DOCK1: variants seen among roughly 807,000 people sequenced by gnomAD.
DOCK1 encodes dedicator of cytokinesis 1, also known as dedicator of cytokinesis protein 1.
A neutral mutation model predicts 262.7 loss-of-function variants in DOCK1; 138 were observed. The ratio of observed to expected loss-of-function variants is 0.53; its 90% CI spans 0.46 to 0.61. DOCK1 has a LOEUF of 0.61. DOCK1 is among the 20% of genes least tolerant of loss of function. The probability of loss-of-function intolerance (pLI) is 0.00; values close to 1 mark genes in which losing one functional copy is unlikely to be tolerated. For synonymous variants in DOCK1, 866 were observed against 867.4 expected, an observed-to-expected ratio of 1.00 and a Z score of 0.03; for missense variants, 1,908 against 2,370.7, an observed-to-expected ratio of 0.80 and a Z score of 4.05.
In DOCK1 at chr10:127,094,124, G is replaced by A. The variant is rs2047755943; in HGVS notation, c.2446-12107G>A. On this transcript the variant is annotated intron_variant, in intron 23 of 51. Coordinates refer to ENST00000623213, the MANE Select transcript of DOCK1 (RefSeq NM_001290223.2). ...TGGGAGTATCACTTGTCCCCAGGAG[G>A]TAGAGGCTGCAGTGAGTTGTGATCA... Among the ~76,000 whole-genome samples, 4 of 152,150 alleles carry A rather than the reference G, an allele frequency of 2.6e-5. No homozygotes were observed. In the South Asian group the frequency reaches 8.3e-4, roughly 32 times the overall value.
chr10:127,220,565 G>C (rs1378720789), intron 27 of DOCK1, among the ~76,000 whole-genome samples: 1 of 151,984 alleles, frequency 6.6e-6, no homozygotes, highest in African/African-American at 2.4e-5. Context: ...GAGTGTCCTG[G>C]ATTTTGTCTT....
intron 1 of DOCK1, among the ~76,000 whole-genome samples, chr10:126,946,220 C>A (rs1473928458): frequency 6.6e-6 from 1 of 152,134 alleles, no homozygotes; most frequent in Non-Finnish European, 1.5e-5. Context: ...CCAAGACTTT[C>A]ACCGTCCCAG....
At chr10:127,429,786 C>T (rs566566203) in intron 47 of DOCK1, among the ~76,000 whole-genome samples, 2 of 151,616 alleles carry the variant, frequency 1.3e-5, no homozygotes, top group African/African-American at 2.4e-5. Context: ...CTGCCACGTT[C>T]GGCATTGGCC....
At chr10:126,915,733 G>A (rs2032410310) in intron 1 of DOCK1, among the ~76,000 whole-genome samples, 1 of 152,130 alleles carries the variant, frequency 6.6e-6, no homozygotes, top group Non-Finnish European at 1.5e-5. Context: ...TTACAGGCGT[G>A]AGCCACCGTG....
chr10:127,318,730 G>C (rs1242544522), intron 29 of DOCK1, among the ~76,000 whole-genome samples: 1 of 152,226 alleles, frequency 6.6e-6, no homozygotes. Context: ...TGCTGAATAA[G>C]CCTGACCAAG....
rs1252079825 is a variant in DOCK1, at chr10:127,184,506, G to T, written c.2847+56742G>T. Among the ~76,000 whole-genome samples the T allele has an allele frequency of 2.3e-5, 3 of 130,638 alleles. No homozygotes were observed. The South Asian group carries it at 7.6e-4, about 33-fold the overall frequency. The allele number at this position is 130,638 out of a possible 152,430, so 85.7% of individuals were successfully genotyped here. On this transcript the variant is annotated intron_variant, in intron 27 of 51. Transcript: ENST00000623213. The stretch of plus-strand genomic sequence containing the variant: ...CCCACCCCCGTCCCCCATCCTGCAG[G>T]TCCTGCTAGTCTTGGCTTCAAGTGC...
At chr10:127,392,931 TC>T (rs1245084802) in intron 38 of DOCK1, among the ~76,000 whole-genome samples, 3 of 152,204 alleles carry the variant, frequency 2.0e-5, no homozygotes, top group African/African-American at 7.2e-5. Flanking sequence ...GATTTTCCTG[TC>T]TAGAATCTTG....
intron 29 of DOCK1, among the ~76,000 whole-genome samples, chr10:127,313,077 A>G (rs190953016): frequency 2.0e-5 from 3 of 152,168 alleles, no homozygotes; most frequent in South Asian, 2.1e-4. Context: ...TGCCCGTGCC[A>G]TCCTCTCTGC....
chr10:127,036,981 G>GAAAAAAAAAAAAAAAAAAAAAA (rs11429952), intron 18 of DOCK1, among the ~76,000 whole-genome samples: 1 of 128,038 alleles, frequency 7.8e-6, no homozygotes. Context: ...CCATCTCAAG[G>GAAAAAAAAAAAAAAAAAAAAAA]AAAAAAAAAA....
chr10:127,386,170 A>G (rs1415585481), intron 38 of DOCK1, among the ~76,000 whole-genome samples: 1 of 152,188 alleles, frequency 6.6e-6, no homozygotes, highest in African/African-American at 2.4e-5. Context: ...ATTTGGAGTA[A>G]GCGATGCGGC....
At chr10:127,127,919 A>C in intron 27 of DOCK1, 155 bp downstream of exon 27, 1 of 546,384 alleles carries the variant, frequency 1.8e-6, no homozygotes, top group Non-Finnish European at 2.9e-6. Context: ...AATGAATGTC[A>C]AAGTTGAAGG....
intron 10 of DOCK1, among the ~76,000 whole-genome samples, chr10:127,005,587 TA>T (rs1351862715): frequency 6.6e-6 from 1 of 152,216 alleles, no homozygotes; most frequent in East Asian, 1.9e-4. Context: ...TTCTGTCTTT[TA>T]ACCTTTTTAT....
chr10:127,120,140 C>T (rs993426460), intron 25 of DOCK1, among the ~76,000 whole-genome samples: 1 of 152,186 alleles, frequency 6.6e-6, no homozygotes, highest in Non-Finnish European at 1.5e-5. Context: ...GATAGCTGTG[C>T]CAGCTGATTC....
chr10:127,155,268 A>G (rs755368038), intron 27 of DOCK1, among the ~76,000 whole-genome samples: 27 of 151,904 alleles, frequency 1.8e-4, no homozygotes, highest in Non-Finnish European at 3.1e-4. Context: ...TGTTACATCA[A>G]CATTTGACAA....
At chr10:126,956,743 C>T (rs1565006233) in intron 1 of DOCK1, among the ~76,000 whole-genome samples, 2 of 152,202 alleles carry the variant, frequency 1.3e-5, no homozygotes, top group Admixed American at 6.5e-5. Flanking sequence ...CTGAGCTTCA[C>T]AGAGTTTGTG....
chr10:127,256,981 A>C (rs1318557847), intron 28 of DOCK1, among the ~76,000 whole-genome samples: 1 of 152,198 alleles, frequency 6.6e-6, no homozygotes, highest in African/African-American at 2.4e-5. Flanking sequence ...GAGCAAACAT[A>C]AGAAAAAGCT....
chr10:127,447,504 C>T lies in DOCK1; in HGVS notation c.5524C>T (p.Leu1842=). 3 of 1,613,888 alleles carry T rather than the reference C, an allele frequency of 1.9e-6. No homozygotes were observed. Among genetic ancestry groups the T allele is most frequent in the South Asian group, 2.2e-5 (2 of 91,038 alleles). ...GAATTTGATGGAAAACCAGGACTTG[C>T]TGGGCTCGCCAACACCTCCACCTCC... ...YGNLMENQDL[L]GSPTPPPPPP... Residue 1842 remains leucine, a synonymous_variant, in exon 51 of 52, where the codon CTG becomes TTG. Coordinates refer to ENST00000623213, the MANE Select transcript of DOCK1 (RefSeq NM_001290223.2).
intron 1 of DOCK1, among the ~76,000 whole-genome samples, chr10:126,955,787 C>G (rs918223057): frequency 6.6e-6 from 1 of 152,086 alleles, no homozygotes; most frequent in Non-Finnish European, 1.5e-5. Context: ...CAGTGGCTCA[C>G]TCTGTGAAGG....
intron 27 of DOCK1, among the ~76,000 whole-genome samples, chr10:127,212,851 C>T (rs2058044316): frequency 6.7e-6 from 1 of 148,772 alleles, no homozygotes; most frequent in African/African-American, 2.5e-5. Context: ...ATTTTTGCTT[C>T]AGCGTCTCTT....
Sources: allele counts gnomAD v4.1 joint callset (sites outside exome capture counted in the v4.1 genomes callset), GRCh38; gene constraint gnomAD v4.1.1; transcripts MANE v1.5; gene names NCBI Gene and HGNC (gene_info 2026-07-23, HGNC 2026-07-21).